Variants in MCMBP observed in about 807,000 individuals in gnomAD.
MCMBP encodes minichromosome maintenance complex binding protein.
In MCMBP, 31 loss-of-function variants were observed where a neutral mutation model predicts 81.3. The observed-to-expected ratio is 0.38, with a 90% CI of 0.29 to 0.51. The LOEUF (loss-of-function observed/expected upper bound fraction) is 0.51, where lower values mean the gene tolerates loss of function less well. Ranked by LOEUF, MCMBP falls within the 20% of genes least tolerant of loss-of-function variation. The probability of loss-of-function intolerance (pLI) is 0.87; values close to 1 mark genes in which losing one functional copy is unlikely to be tolerated. For missense variants in MCMBP, 645 were observed against 772.1 expected (o/e 0.84, Z 1.95); for synonymous variants, 267 against 275.9 (o/e 0.97, Z 0.32).
upstream of MCMBP, chr10:119,873,388 C>T (rs1589808579): frequency 6.6e-6 from 1 of 152,254 alleles, no homozygotes; most frequent in Non-Finnish European, 1.5e-5. Flanking sequence ...CACGCTCCTT[C>T]TGCAGTCGCG....
chr10:119,839,982 T>C (rs775033994), intron 11 of MCMBP, among the ~76,000 whole-genome samples: 9 of 152,214 alleles, frequency 5.9e-5, no homozygotes, highest in Non-Finnish European at 1.0e-4. Flanking sequence ...TTGAAGAGAT[T>C]TGCAAGAATG....
Position 119,852,981 on chromosome 10 carries a change from C to T in MCMBP, c.574+69G>A, listed in dbSNP as rs980943274. 8.9e-6 allele frequency: 14 copies of T among 1,569,162 alleles called. No homozygotes were observed. The East Asian group carries it at 2.0e-4, about 23-fold the overall frequency. On this transcript the variant is annotated intron_variant, in intron 6 of 15. Coordinates refer to ENST00000369077, the MANE Select transcript of MCMBP (RefSeq NM_001256378.2). ...CTAAATATAGAGCTATATTATGTAA[C>T]AATTCACTCTGAAAACCAATCTACT...
intron 5 of MCMBP, among the ~76,000 whole-genome samples, chr10:119,856,021 G>A (rs535516613): frequency 3.3e-5 from 5 of 152,096 alleles, no homozygotes; most frequent in African/African-American, 1.2e-4. Context: ...TCAAGAGATC[G>A]AGACCATCCT....
At position 119,835,561 on chromosome 10, in the gene MCMBP, G is replaced by C; in HGVS notation, c.1686C>G (p.Ser562Arg). 1 of 1,614,034 alleles carries C rather than the reference G, an allele frequency of 6.2e-7. No individual in the cohort carries two copies. The highest frequency in any genetic ancestry group is 1.3e-5 in the African/African-American group (1 of 75,050). Residue 562 changes from serine (S) to arginine (R), a missense_variant, in exon 14 of 16, where the codon AGC (serine) becomes AGG (arginine). Physicochemically the swap from Ser to Arg is moderately radical, Grantham distance 110. Coordinates refer to ENST00000369077, the MANE Select transcript of MCMBP (RefSeq NM_001256378.2). ...YLTLLRFLEY[S>R]ISDEITKAVE... is the part of the protein sequence containing the mutation. ...ATACCTTGGTTATTTCATCAGATATGCTATATTCCAAGAATCTCAAAAGAG... is the reference window on the plus strand; with the variant it reads ...ATACCTTGGTTATTTCATCAGATATCCTATATTCCAAGAATCTCAAAAGAG...
intron 6 of MCMBP, among the ~76,000 whole-genome samples, chr10:119,851,261 CCAA>C (rs751832807): frequency 3.9e-5 from 6 of 151,938 alleles, no homozygotes; most frequent in East Asian, 1.9e-4. Flanking sequence ...TGACTAAACA[CCAA>C]CAAGTGTTAC....
At chr10:119,854,990 C>A (rs928958538) in intron 5 of MCMBP, among the ~76,000 whole-genome samples, 1 of 150,680 alleles carries the variant, frequency 6.6e-6, no homozygotes, top group Non-Finnish European at 1.5e-5. Context: ...AAATCATAAT[C>A]ATAATAATAT....
chr10:119,839,199 C>G (rs1329580565), intron 11 of MCMBP, among the ~76,000 whole-genome samples: 1 of 152,208 alleles, frequency 6.6e-6, no homozygotes, highest in Non-Finnish European at 1.5e-5. Flanking sequence ...TGTGGATGGA[C>G]CTGCAGCTCT....
chr10:119,859,759 T>C (rs751595373), intron 2 of MCMBP, 40 bp downstream of exon 2: 5 of 1,396,662 alleles, frequency 3.6e-6, no homozygotes, highest in Non-Finnish European at 5.0e-6. Context: ...AACTGTATAG[T>C]CTGTCCAACC....
rs34142128 is a variant in MCMBP, at chr10:119,852,152, CAAAAAAAAAAA to C, written c.574+887_574+897del. Among the ~76,000 whole-genome samples, 8 of 53,080 alleles carry C rather than the reference CAAAAAAAAAAA, an allele frequency of 1.5e-4. No homozygotes were observed. The East Asian group carries it at 3.6e-3, about 24-fold the overall frequency. The allele number at this position is 53,080 out of a possible 152,430, so 34.8% of individuals were successfully genotyped here. ...CTGCAACAAGAGCGAAACTCTGTCT[CAAAAAAAAAAA>C]AAAAAAAAAAAAAAAAAGCCTTCTC... is the stretch of plus-strand genomic sequence containing the variant. On this transcript the variant is annotated intron_variant, in intron 6 of 15. Transcript: ENST00000369077.
chr10:119,832,229 A>C, intron 14 of MCMBP, 129 bp from the exon 15 acceptor site: 1 of 627,750 alleles, frequency 1.6e-6, no homozygotes, highest in Non-Finnish European at 2.7e-6. Context: ...GGGTGAAAGT[A>C]CCAAAGCATA....
At chr10:119,854,968 A>AAT (rs1554904031) in intron 5 of MCMBP, among the ~76,000 whole-genome samples, 120 of 132,666 alleles carry the variant, frequency 9.0e-4, no homozygotes, top group African/African-American at 2.9e-3. Flanking sequence ...AAAAAAAAAA[A>AAT]AAAATAAAAT....
intron 1 of MCMBP, among the ~76,000 whole-genome samples, chr10:119,861,154 G>A (rs1199405897): frequency 6.6e-6 from 1 of 152,166 alleles, no homozygotes; most frequent in East Asian, 1.9e-4. Context: ...GTCTACACTT[G>A]TTATGGAGCT....
At chr10:119,868,149 G>A (rs1853539234) in intron 1 of MCMBP, among the ~76,000 whole-genome samples, 1 of 152,190 alleles carries the variant, frequency 6.6e-6, no homozygotes, top group Non-Finnish European at 1.5e-5. Context: ...AAGAGGCTGG[G>A]CGCAGCAGCT....
At chr10:119,855,173 A>G (rs1258956597) in intron 5 of MCMBP, among the ~76,000 whole-genome samples, 1 of 152,196 alleles carries the variant, frequency 6.6e-6, no homozygotes, top group East Asian at 1.9e-4. Flanking sequence ...ACACAGAAGC[A>G]GATTGTTGCA....
intron 9 of MCMBP, chr10:119,842,927 A>G: frequency 2.7e-6 from 1 of 372,972 alleles, no homozygotes. Flanking sequence ...CTAATTTTGT[A>G]TTTTTAGTAG....
At chr10:119,864,688 G>A (rs891241725) in intron 1 of MCMBP, among the ~76,000 whole-genome samples, 1 of 149,056 alleles carries the variant, frequency 6.7e-6, no homozygotes, top group Non-Finnish European at 1.5e-5. Context: ...GTTTAATTTG[G>A]GTTTATTTTG....
At chr10:119,844,600 G>A (rs536296760) in intron 8 of MCMBP, among the ~76,000 whole-genome samples, 2 of 152,262 alleles carry the variant, frequency 1.3e-5, no homozygotes, top group East Asian at 1.9e-4. Flanking sequence ...TTGTCAATCT[G>A]ACTGGATTGA....
Position 119,872,603 on chromosome 10 carries a change from C to A in MCMBP, c.-19G>T. 2.6e-6 allele frequency: 3 copies of A among 1,164,208 alleles called. No homozygotes were observed. The highest frequency in any genetic ancestry group is 3.2e-6 in the Non-Finnish European group (3 of 937,824). The allele number at this position is 1,164,208 out of a possible 1,614,324, so 72.1% of individuals were successfully genotyped here. ...ACGGCATCTCGCCAGGGGCCGGGGC[C>A]GGCGAAGACCGGGCGGAGGCGATCC... On this transcript the variant is annotated 5_prime_UTR_variant, in exon 1 of 16. Transcript: ENST00000369077.
intron 8 of MCMBP, among the ~76,000 whole-genome samples, chr10:119,847,174 G>A (rs555159149): frequency 2.0e-4 from 31 of 152,248 alleles, no homozygotes; most frequent in African/African-American, 7.5e-4. Flanking sequence ...TATGAACTCA[G>A]TAGAAATAGA....
Sources: allele counts gnomAD v4.1 joint callset (sites outside exome capture counted in the v4.1 genomes callset), GRCh38; gene constraint gnomAD v4.1.1; transcripts MANE v1.5; gene names NCBI Gene and HGNC (gene_info 2026-07-23, HGNC 2026-07-21).